Variants in SGCZ observed in about 807,000 individuals in gnomAD.
SGCZ encodes zeta-sarcoglycan.
Under a neutral mutation model 41.3 loss-of-function variants are expected in SGCZ, and 40 were observed. That is an observed-to-expected ratio of 0.97 (90% confidence interval 0.75 to 1.26). SGCZ has a LOEUF of 1.26. Ranked by LOEUF, SGCZ falls within the 50% of genes most tolerant of loss-of-function variation. The pLI, the probability that SGCZ is intolerant of heterozygous loss-of-function variation, is 0.00. For missense variants in SGCZ, 552 were observed against 369.8 expected, an observed-to-expected ratio of 1.49 and a Z score of -4.04; for synonymous variants, 206 against 137.5, an observed-to-expected ratio of 1.50 and a Z score of -3.49.
intron 1 of SGCZ, among the ~76,000 whole-genome samples, chr8:14,971,360 G>A (rs1370148042): frequency 1.3e-5 from 2 of 152,086 alleles, no homozygotes; most frequent in African/African-American, 4.8e-5. Context: ...CATATTAGGA[G>A]AAAAGCATTA....
At chr8:15,175,696 C>T (rs1167040248) in intron 1 of SGCZ, among the ~76,000 whole-genome samples, 2 of 151,970 alleles carry the variant, frequency 1.3e-5, no homozygotes, top group African/African-American at 4.8e-5. Flanking sequence ...TAAACCTAAA[C>T]ATAAACATAA....
At chr8:14,799,739 T>C (rs1269807291) in intron 1 of SGCZ, among the ~76,000 whole-genome samples, 1 of 152,082 alleles carries the variant, frequency 6.6e-6, no homozygotes, top group Non-Finnish European at 1.5e-5. Context: ...CTGAATCTAC[T>C]CCTTTGAAGC....
intron 2 of SGCZ, among the ~76,000 whole-genome samples, chr8:14,509,469 T>C (rs1469580509): frequency 6.6e-6 from 1 of 152,190 alleles, no homozygotes; most frequent in East Asian, 1.9e-4. Context: ...AAAAATATGA[T>C]GTGCCCAAAT....
intron 1 of SGCZ, among the ~76,000 whole-genome samples, chr8:15,079,104 C>A (rs78074009): frequency 6.6e-6 from 1 of 151,988 alleles, no homozygotes; most frequent in African/African-American, 2.4e-5. Context: ...CTAAAAGATC[C>A]GTAACTTTTA....
Position 15,237,619 on chromosome 8 carries a change from T to A in SGCZ, c.5A>T (p.Asp2Val), listed in dbSNP as rs1283011694. Residue 2 changes from aspartate to valine, a missense_variant, in exon 1 of 8, where the codon GAC (aspartate) becomes GTC (valine). Coordinates refer to ENST00000382080, the MANE Select transcript of SGCZ (RefSeq NM_139167.4). Reference protein sequence around the residue: MDRSTNLDIEEL... With the variant: MVRSTNLDIEEL... ...CTCAATGTCCAGGTTCGTTGATCTG[T>A]CCATGGAGCGCAACTAAACGAAGTG... is the stretch of plus-strand genomic sequence containing the variant. 1.3e-6 allele frequency: 2 copies of A among 1,585,488 alleles called. No homozygotes were observed. Among genetic ancestry groups the A allele is most frequent in the East Asian group, 2.3e-5 (1 of 43,880 alleles).
chr8:14,813,496 T>C (rs1211579132), intron 1 of SGCZ, among the ~76,000 whole-genome samples: 3 of 152,186 alleles, frequency 2.0e-5, no homozygotes, highest in African/African-American at 7.2e-5. Context: ...ATATTTTTAT[T>C]TTGTTCAATA....
chr8:15,014,395 A>G (rs1195240825), intron 1 of SGCZ, among the ~76,000 whole-genome samples: 1 of 152,208 alleles, frequency 6.6e-6, no homozygotes, highest in East Asian at 1.9e-4. Context: ...CCACTTACTC[A>G]GGAATGGTAG....
intron 1 of SGCZ, among the ~76,000 whole-genome samples, chr8:14,665,392 C>T (rs1482942606): frequency 3.3e-5 from 5 of 152,132 alleles, no homozygotes; most frequent in South Asian, 2.1e-4. Context: ...CGTGCCACAT[C>T]GTCTTAATCC....
intron 6 of SGCZ, among the ~76,000 whole-genome samples, chr8:14,106,342 T>C (rs907354996): frequency 6.6e-6 from 1 of 152,110 alleles, no homozygotes; most frequent in Admixed American, 6.5e-5. Context: ...TAGCATCCTA[T>C]GAGATGCTGT....
intron 1 of SGCZ, among the ~76,000 whole-genome samples, chr8:15,226,155 T>G (rs1191683946): frequency 1.3e-5 from 2 of 152,206 alleles, no homozygotes; most frequent in East Asian, 1.9e-4. Flanking sequence ...TATCTTGGCC[T>G]GTCTTCCTTG....
At chr8:15,089,974 T>A (rs1806095206) in intron 1 of SGCZ, among the ~76,000 whole-genome samples, 1 of 152,362 alleles carries the variant, frequency 6.6e-6, no homozygotes, top group South Asian at 2.1e-4. Context: ...AATACGGTTA[T>A]CAGATCATCT....
At chr8:14,318,035 C>T (rs1801774423) in intron 3 of SGCZ, among the ~76,000 whole-genome samples, 1 of 151,516 alleles carries the variant, frequency 6.6e-6, no homozygotes, top group African/African-American at 2.4e-5. Context: ...AGTAGAACAG[C>T]ATAGAGTTAC....
At chr8:14,928,727 T>G (rs946750871) in intron 1 of SGCZ, among the ~76,000 whole-genome samples, 1 of 152,202 alleles carries the variant, frequency 6.6e-6, no homozygotes, top group Admixed American at 6.5e-5. Context: ...ACAGAATTGC[T>G]ATAAATGTTA....
intron 1 of SGCZ, among the ~76,000 whole-genome samples, chr8:15,115,132 A>G (rs1807219947): frequency 6.6e-6 from 1 of 152,216 alleles, no homozygotes; most frequent in Admixed American, 6.5e-5. Context: ...ACATGTCAGT[A>G]GAGTCTTGAC....
intron 2 of SGCZ, among the ~76,000 whole-genome samples, chr8:14,357,307 T>A (rs561000741): frequency 6.6e-6 from 1 of 152,288 alleles, no homozygotes; most frequent in East Asian, 1.9e-4. Context: ...AAAGCATACT[T>A]TGATAAGCAT....
intron 4 of SGCZ, among the ~76,000 whole-genome samples, chr8:14,204,530 A>C (rs906871379): frequency 1.3e-5 from 2 of 152,068 alleles, no homozygotes; most frequent in Non-Finnish European, 1.5e-5. Flanking sequence ...TGTCAACTTG[A>C]TTAGATGAAG....
At chr8:14,193,857 C>G (rs7836275) in intron 4 of SGCZ, among the ~76,000 whole-genome samples, 16,898 of 151,624 alleles carry the variant, frequency 0.11, 1,041 homozygotes, top group Middle Eastern at 0.14. Flanking sequence ...TAAAGAAACT[C>G]CTACCTTGAA....
chr8:14,237,682 G>C lies in SGCZ; in HGVS notation c.337-3C>G. On this transcript the variant is annotated splice_polypyrimidine_tract_variant and splice_region_variant and intron_variant, in intron 3 of 7. Coordinates refer to ENST00000382080, the MANE Select transcript of SGCZ (RefSeq NM_139167.4). ...GACTGTAAGACCAGCGGACTATCCTGGGAAACATGTATAAAATAAATAAAT... is the reference window on the plus strand; with the variant it reads ...GACTGTAAGACCAGCGGACTATCCTCGGAAACATGTATAAAATAAATAAAT... 2 of 1,607,984 alleles carry C rather than the reference G, an allele frequency of 1.2e-6. No homozygotes were observed. The highest frequency in any genetic ancestry group is 1.7e-6 in the Non-Finnish European group (2 of 1,176,942).
intron 1 of SGCZ, among the ~76,000 whole-genome samples, chr8:15,070,251 A>C (rs1805302546): frequency 6.6e-6 from 1 of 152,180 alleles, no homozygotes; most frequent in Non-Finnish European, 1.5e-5. Context: ...CATTCAGAAA[A>C]TTATAAACAC....
Sources: gnomAD v4.1 joint callset for allele counts (sites outside exome capture counted in the v4.1 genomes callset) on GRCh38, gnomAD v4.1.1 for gene constraint, MANE v1.5 for transcripts, NCBI Gene and HGNC (gene_info 2026-07-23, HGNC 2026-07-21) for gene names.